The following NSG2 variants were observed in gnomAD, a reference collection of about 807,000 sequenced individuals.
NSG2 encodes neuronal vesicle trafficking-associated protein 2.
A neutral mutation model predicts 16.9 loss-of-function variants in NSG2; 4 were observed. The ratio of observed to expected loss-of-function variants is 0.24; its 90% CI spans 0.12 to 0.54. The LOEUF (loss-of-function observed/expected upper bound fraction) is 0.54. NSG2 is among the 20% of genes least tolerant of loss of function. The pLI, the probability that NSG2 is intolerant of heterozygous loss-of-function variation, is 0.95. For missense variants in NSG2, 179 were observed against 221.1 expected (o/e 0.81, Z 1.21); for synonymous variants, 98 against 88.7 (o/e 1.11, Z -0.59).
At chr5:174,058,088 T>C (rs1240255369) in intron 2 of NSG2, among the ~76,000 whole-genome samples, 5 of 152,200 alleles carry the variant, frequency 3.3e-5, no homozygotes, top group Admixed American at 3.3e-4. Context: ...TGTGTTTGAT[T>C]TGACATAAAC....
chr5:174,060,801 G>A (rs1760038103), intron 2 of NSG2, among the ~76,000 whole-genome samples: 1 of 152,154 alleles, frequency 6.6e-6, no homozygotes, highest in African/African-American at 2.4e-5. Context: ...TTGGTTGAGG[G>A]TTGCCCTCAG....
At chr5:174,104,156 C>A in intron 3 of NSG2, 72 bp from the exon 4 acceptor site, 1 of 1,057,764 alleles carries the variant, frequency 9.5e-7, no homozygotes. Context: ...CAGTTCTAGG[C>A]TCTGAAAGCT....
At chr5:174,095,459 G>A (rs917679535) in intron 3 of NSG2, among the ~76,000 whole-genome samples, 1 of 152,088 alleles carries the variant, frequency 6.6e-6, no homozygotes, top group Non-Finnish European at 1.5e-5. Context: ...CAGGCTTGTG[G>A]ATGCATCACT....
At chr5:174,050,888 C>T (rs946805105) in intron 2 of NSG2, among the ~76,000 whole-genome samples, 1 of 152,086 alleles carries the variant, frequency 6.6e-6, no homozygotes, top group African/African-American at 2.4e-5. Flanking sequence ...CTCCACACTG[C>T]CCCCAAGCCT....
At chr5:174,067,516 G>T (rs1760163240) in intron 3 of NSG2, among the ~76,000 whole-genome samples, 1 of 152,276 alleles carries the variant, frequency 6.6e-6, no homozygotes, top group Non-Finnish European at 1.5e-5. Context: ...TTGTGGTTCA[G>T]GGGCAGCCCT....
At chr5:174,047,774 G>C (rs1759822284) in intron 2 of NSG2, among the ~76,000 whole-genome samples, 1 of 152,206 alleles carries the variant, frequency 6.6e-6, no homozygotes, top group African/African-American at 2.4e-5. Context: ...ACACAGAAGG[G>C]AGAAATAGTA....
At chr5:174,053,271 G>A (rs1440425251) in intron 2 of NSG2, among the ~76,000 whole-genome samples, 6 of 152,204 alleles carry the variant, frequency 3.9e-5, no homozygotes, top group Non-Finnish European at 8.8e-5. Context: ...GGCATACTGA[G>A]GGAGAGCACA....
At chr5:174,049,008 G>A (rs1161592698) in intron 2 of NSG2, among the ~76,000 whole-genome samples, 1 of 152,096 alleles carries the variant, frequency 6.6e-6, no homozygotes, top group African/African-American at 2.4e-5. Context: ...TCAGAACAAA[G>A]TTAGATGTGG....
At chr5:174,095,715 A>C (rs1234507611) in intron 3 of NSG2, among the ~76,000 whole-genome samples, 2 of 152,216 alleles carry the variant, frequency 1.3e-5, no homozygotes, top group African/African-American at 4.8e-5. Flanking sequence ...ACCCACTTTC[A>C]GGTCCCACAT....
At chr5:174,083,930 G>T (rs913644783) in intron 3 of NSG2, among the ~76,000 whole-genome samples, 1 of 152,174 alleles carries the variant, frequency 6.6e-6, no homozygotes, top group Non-Finnish European at 1.5e-5. Flanking sequence ...AAGGCCACAT[G>T]CGTTAGATAG....
At chr5:174,090,216 G>C (rs1038318930) in intron 3 of NSG2, among the ~76,000 whole-genome samples, 2 of 152,092 alleles carry the variant, frequency 1.3e-5, no homozygotes, top group African/African-American at 4.8e-5. Flanking sequence ...AAAGGGATAC[G>C]CAGCAAAATC....
chr5:174,095,409 C>T (rs1453835546), intron 3 of NSG2, among the ~76,000 whole-genome samples: 5 of 152,164 alleles, frequency 3.3e-5, no homozygotes, highest in African/African-American at 1.2e-4. Context: ...GGAAGAATCT[C>T]TCCTTTCCTC....
chr5:174,080,334 C>A (rs1717509644), intron 3 of NSG2, among the ~76,000 whole-genome samples: 1 of 148,648 alleles, frequency 6.7e-6, no homozygotes, highest in Admixed American at 6.7e-5. Flanking sequence ...TTATATATAA[C>A]CCTATATATA....
intron 3 of NSG2, among the ~76,000 whole-genome samples, chr5:174,093,521 G>A: frequency 6.6e-6 from 1 of 152,146 alleles, no homozygotes; most frequent in East Asian, 1.9e-4. Flanking sequence ...TCACTACTTG[G>A]TACTAGGGGA....
intron 2 of NSG2, among the ~76,000 whole-genome samples, chr5:174,052,599 T>C (rs948971753): frequency 3.9e-5 from 6 of 152,330 alleles, no homozygotes; most frequent in East Asian, 1.9e-4. Context: ...GAACATTAGT[T>C]TGCAGACATC....
At chr5:174,078,924 C>A (rs944010653) in intron 3 of NSG2, among the ~76,000 whole-genome samples, 1 of 152,056 alleles carries the variant, frequency 6.6e-6, no homozygotes, top group Non-Finnish European at 1.5e-5. Context: ...CTTATAACAG[C>A]CCAAATGGAC....
intron 2 of NSG2, among the ~76,000 whole-genome samples, chr5:174,058,501 G>A (rs1202843006): frequency 1.3e-5 from 2 of 152,104 alleles, no homozygotes; most frequent in Admixed American, 1.3e-4. Context: ...TGCAGAGGGG[G>A]CTTGTAGATG....
intron 2 of NSG2, 31 bp from the exon 3 acceptor site, chr5:174,064,201 T>A: frequency 2.0e-6 from 3 of 1,475,146 alleles, no homozygotes; most frequent in Non-Finnish European, 2.8e-6. Context: ...CAAGTCTCCA[T>A]GCATGCTAAC....
At position 174,072,225 on chromosome 5, in the gene NSG2, C is replaced by T. The variant is rs1760256639; in HGVS notation, c.213+7910C>T. On this transcript the variant is annotated intron_variant, in intron 3 of 4. Coordinates refer to ENST00000303177, the MANE Select transcript of NSG2 (RefSeq NM_015980.5). This position sits in a 1 kb window ranked among gnomAD's most constrained non-coding sequence, Gnocchi z 4.0. ...GGCCCCTTTCCTCAGCAGCCCCAGT[C>T]CTTTCTCCTCCCCTTCTAGAGCACA... Among the ~76,000 whole-genome samples, 1 of 152,224 alleles carries T rather than the reference C, an allele frequency of 6.6e-6. No homozygotes were observed. Among genetic ancestry groups the T allele is most frequent in the Non-Finnish European group, 1.5e-5 (1 of 68,040 alleles).
Sources: gnomAD v4.1 joint callset for allele counts (sites outside exome capture counted in the v4.1 genomes callset) on GRCh38, gnomAD v4.1.1 for gene constraint, Gnocchi (gnomAD v3.1) non-coding constraint, MANE v1.5 for transcripts, NCBI Gene and HGNC (gene_info 2026-07-23, HGNC 2026-07-21) for gene names.